Variants in CRIM1 observed in about 807,000 individuals in gnomAD.
The protein encoded by CRIM1 is cysteine-rich motor neuron 1 protein.
A neutral mutation model predicts 116.4 loss-of-function variants in CRIM1; 32 were observed. That is an observed-to-expected ratio of 0.27 (90% CI 0.21 to 0.37). The LOEUF (loss-of-function observed/expected upper bound fraction) is 0.37, where lower values mean the gene tolerates loss of function less well. Among genes scored for constraint, CRIM1 ranks in the 10% least tolerant of loss-of-function variants. The pLI is 1.00. For missense variants in CRIM1, 1,331 were observed against 1,354.8 expected (o/e 0.98, Z 0.28); for synonymous variants, 590 against 509.2 (o/e 1.16, Z -2.13).
intron 4 of CRIM1, among the ~76,000 whole-genome samples, chr2:36,443,468 C>G (rs1465416506): frequency 6.6e-6 from 1 of 152,226 alleles, no homozygotes; most frequent in Non-Finnish European, 1.5e-5. Context: ...CTACTCACCC[C>G]TCTTCTCTGC....
chr2:36,463,619 T>C (rs1353527220), intron 4 of CRIM1, among the ~76,000 whole-genome samples: 1 of 152,234 alleles, frequency 6.6e-6, no homozygotes, highest in Admixed American at 6.5e-5. Flanking sequence ...ATTCACATGC[T>C]GACACCCAGC....
intron 2 of CRIM1, among the ~76,000 whole-genome samples, chr2:36,409,919 T>G (rs779474850): frequency 9.2e-5 from 14 of 152,208 alleles, no homozygotes; most frequent in Non-Finnish European, 2.1e-4. Flanking sequence ...ATAATTTGTT[T>G]CAAAAGCTAT....
chr2:36,469,181 G>A (rs1443400716), intron 5 of CRIM1, among the ~76,000 whole-genome samples: 1 of 152,178 alleles, frequency 6.6e-6, no homozygotes, highest in Non-Finnish European at 1.5e-5. Context: ...CTTCCCAGTG[G>A]TGCCAAGAGT....
At chr2:36,426,529 T>C (rs1674463063) in intron 2 of CRIM1, among the ~76,000 whole-genome samples, 1 of 152,132 alleles carries the variant, frequency 6.6e-6, no homozygotes, top group South Asian at 2.1e-4. Context: ...ATAGGGAAGA[T>C]AGTGAAGAAC....
chr2:36,389,033 T>C (rs3770942), intron 1 of CRIM1, among the ~76,000 whole-genome samples: 24,261 of 152,264 alleles, frequency 0.16, 2,649 homozygotes, highest in African/African-American at 0.32. Context: ...GTCCACACTT[T>C]AGTATTCCAT....
At chr2:36,453,329 A>G (rs949421250) in intron 4 of CRIM1, among the ~76,000 whole-genome samples, 2 of 152,202 alleles carry the variant, frequency 1.3e-5, no homozygotes, top group African/African-American at 2.4e-5. Context: ...TTTGCTTTTG[A>G]TTGAAAAGAA....
At chr2:36,369,150 G>C (rs1006220383) in intron 1 of CRIM1, 3 of 152,164 alleles carry the variant, frequency 2.0e-5, no homozygotes, top group Non-Finnish European at 4.4e-5. Flanking sequence ...AAACCTCTGC[G>C]GCAGTAATGA....
intron 7 of CRIM1, among the ~76,000 whole-genome samples, chr2:36,484,114 T>TGTA (rs1189249239): frequency 6.6e-6 from 1 of 152,194 alleles, no homozygotes; most frequent in Admixed American, 6.5e-5. Flanking sequence ...AAGACTGATG[T>TGTA]GTATTCTGTG....
chr2:36,366,018 G>A (rs4670545), intron 1 of CRIM1, among the ~76,000 whole-genome samples: 39,706 of 152,188 alleles, frequency 0.26, 6,555 homozygotes, highest in Non-Finnish European at 0.37. Context: ...GAGCCACCGC[G>A]CCCAGCCCAG....
chr2:36,501,942 T>G (rs183567669), intron 8 of CRIM1, among the ~76,000 whole-genome samples: 1 of 152,312 alleles, frequency 6.6e-6, no homozygotes, highest in East Asian at 1.9e-4. Flanking sequence ...GCCAACCTTG[T>G]TTTTTGAACA....
intron 1 of CRIM1, among the ~76,000 whole-genome samples, chr2:36,391,221 T>C (rs999900051): frequency 2.1e-5 from 3 of 144,056 alleles, no homozygotes; most frequent in Non-Finnish European, 4.5e-5. Context: ...GCTCCGCCTC[T>C]GGGTTCATGA....
At chr2:36,380,214 C>G (rs922315680) in intron 1 of CRIM1, among the ~76,000 whole-genome samples, 1 of 152,190 alleles carries the variant, frequency 6.6e-6, no homozygotes, top group African/African-American at 2.4e-5. Flanking sequence ...TCCACAAGAC[C>G]AGGCTGAAGT....
At chr2:36,370,504 C>T (rs1200845394) in intron 1 of CRIM1, among the ~76,000 whole-genome samples, 1 of 152,128 alleles carries the variant, frequency 6.6e-6, no homozygotes, top group Non-Finnish European at 1.5e-5. Context: ...TTTCTGCCAA[C>T]TGAGGGCTGG....
At chr2:36,546,137 T>C (rs1667308813) in intron 15 of CRIM1, among the ~76,000 whole-genome samples, 1 of 152,196 alleles carries the variant, frequency 6.6e-6, no homozygotes, top group South Asian at 2.1e-4. Flanking sequence ...CTTTTGATAC[T>C]GTGTGTCATG....
intron 2 of CRIM1, among the ~76,000 whole-genome samples, chr2:36,409,552 G>T (rs1017041433): frequency 1.3e-5 from 2 of 152,160 alleles, no homozygotes; most frequent in Non-Finnish European, 2.9e-5. Context: ...AAAGGACCTC[G>T]CCCTAAGAAG....
intron 1 of CRIM1, among the ~76,000 whole-genome samples, chr2:36,362,139 A>G (rs573319326): frequency 3.3e-5 from 5 of 152,100 alleles, no homozygotes; most frequent in Non-Finnish European, 5.9e-5. Flanking sequence ...AGACTGCAAA[A>G]AGTCTATTAT....
At chr2:36,422,136 G>A (rs938811850) in intron 2 of CRIM1, among the ~76,000 whole-genome samples, 12 of 150,932 alleles carry the variant, frequency 8.0e-5, no homozygotes, top group African/African-American at 2.2e-4. Flanking sequence ...AGCTTCCTTA[G>A]GTGACTTTGA....
In CRIM1 at chr2:36,510,074, G is replaced by T; in HGVS notation, c.1593G>T (p.Glu531Asp). 1 of 1,614,170 alleles carries T rather than the reference G, an allele frequency of 6.2e-7. No individual in the cohort carries two copies. The change falls in exon 9 of 17, where the codon GAG becomes GAT. Residue 531 changes from glutamate to aspartate, a missense_variant. Glu to Asp is a conservative substitution (Grantham distance 45). Transcript: ENST00000280527. ...LTDAQNCEIC[E>D]CRPRPKKCRP... ...ATGCCCAAAACTGTGAGATCTGTGA[G>T]TGCCGCCCAAGGCCCAAGAAGTGCA...
intron 13 of CRIM1, chr2:36,529,098 ACTG>A (rs570190160): frequency 4.8e-4 from 224 of 471,116 alleles, no homozygotes; most frequent in African/African-American, 3.9e-3. Flanking sequence ...AGGCTGCTGC[ACTG>A]CTATTTCCAG....
Sources: gnomAD v4.1 joint callset for allele counts (sites outside exome capture counted in the v4.1 genomes callset) on GRCh38, gnomAD v4.1.1 for gene constraint, MANE v1.5 for transcripts, NCBI Gene and HGNC (gene_info 2026-07-23, HGNC 2026-07-21) for gene names.